STIP1: variants seen among roughly 807,000 people sequenced by gnomAD.
STIP1 encodes the protein stress-induced-phosphoprotein 1.
STIP1 carries 16 observed loss-of-function variants against 77.4 expected under a neutral mutation model. That is an observed-to-expected ratio of 0.21 (90% CI 0.14 to 0.31). The LOEUF (loss-of-function observed/expected upper bound fraction) is 0.31. Ranked by LOEUF, STIP1 falls within the 10% of genes least tolerant of loss-of-function variation. STIP1 has a pLI of 1.00. For synonymous variants in STIP1, 258 were observed against 246.6 expected (o/e 1.05, Z -0.44); for missense variants, 524 against 684.8 (o/e 0.77, Z 2.62).
chr11:64,191,379 G>A (rs1288019204), intron 1 of STIP1, among the ~76,000 whole-genome samples: 1 of 152,026 alleles, frequency 6.6e-6, no homozygotes, highest in African/African-American at 2.4e-5. Flanking sequence ...AGGCTGAGAT[G>A]GGTGGATTAA....
chr11:64,185,696 G>A (rs371725389), upstream of STIP1: 9 of 1,292,218 alleles, frequency 7.0e-6, no homozygotes, highest in African/African-American at 3.0e-5. Flanking sequence ...ACTGCAGCCG[G>A]TACTCCCATA....
chr11:64,195,706 A>G lies in STIP1; in HGVS notation c.565A>G (p.Ser189Gly), dbSNP rs761015159. 2 of 1,614,164 alleles carry G rather than the reference A, an allele frequency of 1.2e-6. No individual in the cohort carries two copies. Among genetic ancestry groups the G allele is most frequent in the Middle Eastern group, 1.7e-4 (1 of 6,058 alleles). ...CGTCCTCCTTGGGGTCGATCTGGGC[A>G]GTATGGATGAGGAGGAAGAGATTGC... ...LSVLLGVDLGSMDEEEEIATP... is the reference protein window; with the variant it reads ...LSVLLGVDLGGMDEEEEIATP... The change falls in exon 5 of 14, where the codon AGT becomes GGT. Residue 189 changes from serine to glycine, a missense_variant. Coordinates refer to ENST00000305218, the MANE Select transcript of STIP1 (RefSeq NM_006819.3).
intron 5 of STIP1, among the ~76,000 whole-genome samples, chr11:64,196,527 A>C (rs924320191): frequency 6.6e-6 from 1 of 151,954 alleles, no homozygotes. Context: ...TGTTGGTCCT[A>C]GCAAGACTGG....
chr11:64,194,385 T>A (rs1946125193), intron 3 of STIP1, 55 bp downstream of exon 3: 2 of 1,610,820 alleles, frequency 1.2e-6, no homozygotes, highest in African/African-American at 2.7e-5. Context: ...ATTTTGAGTC[T>A]TCACCCCTGA....
Position 64,195,748 on chromosome 11 carries a change from C to T in STIP1, c.607C>T (p.Pro203Ser). The change falls in exon 5 of 14, where the codon CCC becomes TCC. Residue 203 changes from proline to serine, a missense_variant. Transcript: ENST00000305218. ...EEEIATPPPP[P>S]PPKKETKPEP... ...AGAGATTGCAACACCTCCACCACCA[C>T]CCCCTCCCAAAAAGGAGACCAAGCC... The T allele has an allele frequency of 6.2e-7, 1 of 1,614,120 alleles. No homozygotes were observed. The highest frequency in any genetic ancestry group is 8.5e-7 in the Non-Finnish European group (1 of 1,180,012).
chr11:64,194,731 G>T, intron 4 of STIP1, 111 bp downstream of exon 4: 2 of 1,390,786 alleles, frequency 1.4e-6, no homozygotes, highest in Non-Finnish European at 1.9e-6. Flanking sequence ...TTTTGCCTTT[G>T]CTTATTCTCT....
rs1437137987 is a variant in STIP1, at chr11:64,203,082, T to TGG, written c.1283-41_1283-40dup. On this transcript the variant is annotated intron_variant, in intron 11 of 13. Transcript: ENST00000305218. ...GGTGAAGAGGTGCAAGGAGCAGCCTTGGGCGCTGCGGTTGGATAACGCGCC... is the reference window on the plus strand; with the variant it reads ...GGTGAAGAGGTGCAAGGAGCAGCCTTGGGGGCGCTGCGGTTGGATAACGCGCC... 1.9e-6 allele frequency: 3 copies of TGG among 1,608,784 alleles called. No homozygotes were observed. In the South Asian group the frequency reaches 3.3e-5, roughly 18 times the overall value.
chr11:64,200,175 A>T lies in STIP1; in HGVS notation c.1127A>T (p.Tyr376Phe), dbSNP rs1946201524. 2 of 1,612,646 alleles carry T rather than the reference A, an allele frequency of 1.2e-6. No homozygotes were observed. Among genetic ancestry groups the T allele is most frequent in the African/African-American group, 2.7e-5 (2 of 74,776 alleles). Reference protein sequence around the residue: ...KGNECFQKGDYPQAMKHYTEA... With the variant: ...KGNECFQKGDFPQAMKHYTEA... ...CTTTGTTTTTCTTCCCCAGGGGACTATCCCCAGGCCATGAAGCATTATACA... is the reference window on the plus strand; with the variant it reads ...CTTTGTTTTTCTTCCCCAGGGGACTTTCCCCAGGCCATGAAGCATTATACA... Residue 376 changes from tyrosine (Y) to phenylalanine (F), a missense_variant, in exon 10 of 14, where the codon TAT becomes TTT. Tyr to Phe is a conservative substitution (Grantham distance 22). Transcript: ENST00000305218.
At chr11:64,199,348 TAAAAA>T (rs971108325) in intron 8 of STIP1, among the ~76,000 whole-genome samples, 1 of 146,888 alleles carries the variant, frequency 6.8e-6, no homozygotes, top group African/African-American at 2.5e-5. Context: ...ACTAAATAAA[TAAAAA>T]AAATTAGCCT....
chr11:64,186,331 C>CTG, intron 1 of STIP1, 61 bp downstream of exon 1: 1 of 154,868 alleles, frequency 6.5e-6, no homozygotes, highest in Non-Finnish European at 1.2e-5. Context: ...GTGGCCAGGC[C>CTG]GCGGTAGGGG....
At position 64,200,590 on chromosome 11, in the gene STIP1, CGTGTGTGT is replaced by C. The variant is rs35484605; in HGVS notation, c.1245+328_1245+335del. On this transcript the variant is annotated intron_variant, in intron 10 of 13. Transcript: ENST00000305218. ...AATATGGGACCTGTATCTAACTGGT[CGTGTGTGT>C]GTGTGTGTGTGTGTGTGTGTGTGTG... Among the ~76,000 whole-genome samples, 1,058 of 141,292 alleles carry C rather than the reference CGTGTGTGT, an allele frequency of 7.5e-3. 5 individuals are homozygous for C. The highest frequency in any genetic ancestry group is 0.023 in the African/African-American group (865 of 37,270). The allele number at this position is 141,292 out of a possible 152,430, so 92.7% of individuals were successfully genotyped here.
At chr11:64,201,801 G>A (rs1015108960) in intron 10 of STIP1, among the ~76,000 whole-genome samples, 16 of 152,212 alleles carry the variant, frequency 1.1e-4, no homozygotes, top group South Asian at 2.1e-4. Context: ...TCATGAGAGC[G>A]TGGAGAAAGA....
At chr11:64,202,467 C>CA (rs1044438786) in intron 10 of STIP1, 9 of 142,520 alleles carry the variant, frequency 6.3e-5, no homozygotes, top group Non-Finnish European at 4.4e-5. Context: ...AGGCTGGTGT[C>CA]AAACTCCTGA....
intron 5 of STIP1, among the ~76,000 whole-genome samples, chr11:64,196,464 G>A (rs1024980116): frequency 6.6e-6 from 1 of 151,710 alleles, no homozygotes; most frequent in Admixed American, 6.6e-5. Context: ...AGTGAGCTGC[G>A]GGAGTTGCCC....
chr11:64,185,716 C>T, upstream of STIP1: 4 of 1,429,450 alleles, frequency 2.8e-6, no homozygotes, highest in South Asian at 4.0e-5. Flanking sequence ...ATATCAGGGG[C>T]GGGGCGAAAC....
At chr11:64,200,433 C>A in intron 10 of STIP1, 140 bp downstream of exon 10, 1 of 1,378,102 alleles carries the variant, frequency 7.3e-7, no homozygotes, top group Non-Finnish European at 9.8e-7. Context: ...CCTCAGCCTC[C>A]TGAGGAGCTA....
At chr11:64,199,883 C>T (rs1433077761) in intron 8 of STIP1, 57 bp from the exon 9 acceptor site, 1 of 1,599,738 alleles carries the variant, frequency 6.3e-7, no homozygotes, top group Non-Finnish European at 8.5e-7. Context: ...TTTTTAAGCC[C>T]AATATTTAGA....
chr11:64,191,552 G>C (rs1946092872), intron 1 of STIP1, among the ~76,000 whole-genome samples: 1 of 152,172 alleles, frequency 6.6e-6, no homozygotes, highest in African/African-American at 2.4e-5. Context: ...GTTGCCGTGA[G>C]GCAAGATTGT....
chr11:64,200,651 C>CT (rs1565283243), intron 10 of STIP1, among the ~76,000 whole-genome samples: 1 of 151,166 alleles, frequency 6.6e-6, no homozygotes, highest in South Asian at 2.1e-4. Flanking sequence ...CTGTATCTAT[C>CT]TAACTGGTCC....
Sources: allele counts gnomAD v4.1 joint callset (sites outside exome capture counted in the v4.1 genomes callset), GRCh38; gene constraint gnomAD v4.1.1; transcripts MANE v1.5; gene names NCBI Gene and HGNC (gene_info 2026-07-23, HGNC 2026-07-21).